Variants in LRP1B observed in about 807,000 individuals in gnomAD.
LRP1B encodes LDL receptor related protein 1B.
Under a neutral mutation model 556.6 loss-of-function variants are expected in LRP1B, and 217 were observed. The ratio of observed to expected loss-of-function variants is 0.39; its 90% CI spans 0.35 to 0.44. The LOEUF (loss-of-function observed/expected upper bound fraction) is 0.44. LRP1B is among the 20% of genes least tolerant of loss of function. The pLI, the probability that LRP1B is intolerant of heterozygous loss-of-function variation, is 1.00. For missense variants in LRP1B, 5,053 were observed against 5,620.8 expected (o/e 0.90, Z 3.23); for synonymous variants, 2,047 against 1,865.8 (o/e 1.10, Z -2.50).
Position 140,234,939 on chromosome 2 carries a change from CA to C in LRP1B, c.13561-56del, listed in dbSNP as rs1322358206. Reference sequence around the variant, plus strand: ...GATCTAATATTATAGAATCACTTTTCATCGATACATATCATGTTAATTCATA... The same window carrying C: ...GATCTAATATTATAGAATCACTTTTCTCGATACATATCATGTTAATTCATA... On this transcript the variant is annotated intron_variant, in intron 89 of 90. Transcript: ENST00000389484. 5.5e-6 allele frequency: 4 copies of C among 733,184 alleles called. No homozygotes were observed. In the African/African-American group the frequency reaches 7.0e-5, roughly 13 times the overall value. 45.4% of individuals were successfully genotyped at this position (733,184 alleles called of 1,614,324 possible).
chr2:141,483,921 C>T (rs1238904497), intron 2 of LRP1B, among the ~76,000 whole-genome samples: 1 of 150,906 alleles, frequency 6.6e-6, no homozygotes, highest in Non-Finnish European at 1.5e-5. Flanking sequence ...GTTGCCTGTT[C>T]ACTCTGATGG....
chr2:140,443,109 G>A (rs1369581489), intron 65 of LRP1B, among the ~76,000 whole-genome samples: 1 of 152,148 alleles, frequency 6.6e-6, no homozygotes, highest in East Asian at 1.9e-4. Context: ...TGTCCAGGCT[G>A]GAGTTCAGTG....
chr2:141,273,866 AT>A (rs1479953297), intron 3 of LRP1B, among the ~76,000 whole-genome samples: 1 of 152,236 alleles, frequency 6.6e-6, no homozygotes, highest in Non-Finnish European at 1.5e-5. Flanking sequence ...AACTCTTATA[AT>A]TCAGTAATAA....
intron 34 of LRP1B, among the ~76,000 whole-genome samples, chr2:140,770,462 A>T: frequency 6.6e-6 from 1 of 151,962 alleles, no homozygotes; most frequent in East Asian, 1.9e-4. Context: ...TTTCTCCCTC[A>T]GTTATGCAAA....
intron 80 of LRP1B, among the ~76,000 whole-genome samples, chr2:140,324,941 T>TA (rs1244432904): frequency 6.1e-5 from 9 of 146,794 alleles, no homozygotes; most frequent in South Asian, 4.3e-4. Context: ...AAAGGCACAA[T>TA]AAAAATTTGA....
At chr2:141,255,612 A>G (rs1278409451) in intron 3 of LRP1B, among the ~76,000 whole-genome samples, 1 of 152,076 alleles carries the variant, frequency 6.6e-6, no homozygotes, top group African/African-American at 2.4e-5. Context: ...TTCTCATACA[A>G]TTATTTCACA....
chr2:141,086,116 C>T lies in LRP1B; in HGVS notation c.1014-23843G>A, dbSNP rs983811778. 2.0e-5 allele frequency among the ~76,000 whole-genome samples: 3 copies of T among 152,138 alleles called. No individual in the cohort carries two copies. In the South Asian group the frequency reaches 6.2e-4, roughly 32 times the overall value. The stretch of plus-strand genomic sequence containing the variant: ...TTAACTGACTATTATCCAGATTTGC[C>T]TCTGTAAAGGTAACTTTCCCTTATA... On this transcript the variant is annotated intron_variant, in intron 7 of 90. Transcript: ENST00000389484.
intron 2 of LRP1B, among the ~76,000 whole-genome samples, chr2:141,686,499 A>C (rs1268522098): frequency 6.6e-6 from 1 of 151,954 alleles, no homozygotes; most frequent in South Asian, 2.1e-4. Flanking sequence ...AAATTTTATT[A>C]ATAGTCTAAT....
At chr2:140,414,693 TGTAAG>T (rs1685108115) in intron 66 of LRP1B, among the ~76,000 whole-genome samples, 1 of 152,228 alleles carries the variant, frequency 6.6e-6, no homozygotes, top group African/African-American at 2.4e-5. Flanking sequence ...CTGTTATCTT[TGTAAG>T]GTGAGGAGGT....
chr2:141,474,858 A>G (rs72849086), intron 3 of LRP1B, among the ~76,000 whole-genome samples: 77,868 of 151,936 alleles, frequency 0.51, 20,187 homozygotes, highest in Non-Finnish European at 0.55. Context: ...TTTTTCTCCA[A>G]TCAGTTTTAG....
At chr2:141,538,163 C>T (rs1156904088) in intron 2 of LRP1B, among the ~76,000 whole-genome samples, 3 of 152,042 alleles carry the variant, frequency 2.0e-5, no homozygotes, top group Admixed American at 1.3e-4. Context: ...GCAAAAAGTC[C>T]ACACAACCGC....
At chr2:141,394,965 C>T (rs1394476227) in intron 3 of LRP1B, among the ~76,000 whole-genome samples, 1 of 151,922 alleles carries the variant, frequency 6.6e-6, no homozygotes, top group East Asian at 1.9e-4. Flanking sequence ...CTGTTCTTTC[C>T]AACGTAATTA....
intron 11 of LRP1B, among the ~76,000 whole-genome samples, chr2:141,038,889 AATTT>A (rs1423025757): frequency 1.3e-5 from 2 of 152,048 alleles, no homozygotes; most frequent in Non-Finnish European, 2.9e-5. Context: ...GAATATTGGT[AATTT>A]ATTTAAGTGT....
chr2:141,865,591 C>CAAAAAAAAAAA (rs78227528), intron 1 of LRP1B, among the ~76,000 whole-genome samples: 4 of 43,250 alleles, frequency 9.2e-5, no homozygotes, highest in East Asian at 6.2e-4. Flanking sequence ...GACTCCGTCT[C>CAAAAAAAAAAA]AAAAAAAAAA....
chr2:141,509,791 A>G (rs1049761689), intron 2 of LRP1B, among the ~76,000 whole-genome samples: 6 of 152,292 alleles, frequency 3.9e-5, no homozygotes, highest in African/African-American at 1.4e-4. Flanking sequence ...CCCATTCTTT[A>G]TATTCATTCT....
At chr2:140,556,236 C>T (rs1019225924) in intron 43 of LRP1B, among the ~76,000 whole-genome samples, 2 of 151,982 alleles carry the variant, frequency 1.3e-5, no homozygotes, top group South Asian at 2.1e-4. Flanking sequence ...ATTATCTAGC[C>T]TTTTTGTGAA....
chr2:140,537,383 G>A (rs1483194758), intron 45 of LRP1B, among the ~76,000 whole-genome samples: 3 of 151,744 alleles, frequency 2.0e-5, no homozygotes, highest in African/African-American at 7.3e-5. Flanking sequence ...TGTTTGATGT[G>A]AATCATCTCA....
intron 3 of LRP1B, among the ~76,000 whole-genome samples, chr2:141,313,982 G>A (rs1686905761): frequency 6.6e-6 from 1 of 151,046 alleles, no homozygotes; most frequent in Admixed American, 6.6e-5. Context: ...CTTTCTATTA[G>A]GACATTTAGT....
At chr2:141,543,201 C>A (rs1472753125) in intron 2 of LRP1B, among the ~76,000 whole-genome samples, 1 of 151,998 alleles carries the variant, frequency 6.6e-6, no homozygotes, top group Non-Finnish European at 1.5e-5. Flanking sequence ...ACTGCATACC[C>A]TCTTGAACAT....
Sources: allele counts gnomAD v4.1 joint callset (sites outside exome capture counted in the v4.1 genomes callset), GRCh38; gene constraint gnomAD v4.1.1; transcripts MANE v1.5; gene names NCBI Gene and HGNC (gene_info 2026-07-23, HGNC 2026-07-21).